CLYBL: variants seen among roughly 807,000 people sequenced by gnomAD.
The protein encoded by CLYBL is citramalyl-CoA lyase, mitochondrial.
Under a neutral mutation model 38.9 loss-of-function variants are expected in CLYBL, and 31 were observed. The ratio of observed to expected loss-of-function variants is 0.80; its 90% CI spans 0.60 to 1.08. CLYBL has a LOEUF of 1.08. CLYBL is among the 50% of genes least tolerant of loss of function. The probability of loss-of-function intolerance (pLI) is 0.00; values close to 1 mark genes in which losing one functional copy is unlikely to be tolerated. For missense variants in CLYBL, 434 were observed against 411.6 expected (o/e 1.05, Z -0.47); for synonymous variants, 171 against 158.6 (o/e 1.08, Z -0.59).
chr13:99,642,288 A>G (rs1186203087), intron 1 of CLYBL, among the ~76,000 whole-genome samples: 1 of 152,190 alleles, frequency 6.6e-6, no homozygotes, highest in East Asian at 1.9e-4. Flanking sequence ...GGCACCGAGC[A>G]TATTCAGTCA....
At position 99,741,649 on chromosome 13, in the gene CLYBL, G is replaced by A. The variant is rs552862266; in HGVS notation, c.63-31175G>A. ...TCACTGCACTCTAGTCCGCGTTCAA[G>A]TATTTGTAGTAGAGACGGGGTTTTG... is the stretch of plus-strand genomic sequence containing the variant. On this transcript the variant is annotated intron_variant, in intron 1 of 8. Transcript: ENST00000339105. Among the ~76,000 whole-genome samples, 406 of 152,344 alleles carry A rather than the reference G, an allele frequency of 2.7e-3. 4 individuals carry two copies. The highest frequency in any genetic ancestry group is 9.3e-3 in the African/African-American group (387 of 41,566).
intron 3 of CLYBL, among the ~76,000 whole-genome samples, chr13:99,860,008 C>A (rs2051560529): frequency 6.6e-6 from 1 of 152,074 alleles, no homozygotes. Context: ...GTTGTTGTAA[C>A]ACCTACGAAA....
intron 1 of CLYBL, among the ~76,000 whole-genome samples, chr13:99,676,086 C>A (rs1321977066): frequency 1.3e-5 from 2 of 152,074 alleles, no homozygotes; most frequent in Non-Finnish European, 2.9e-5. Context: ...GAACTCCTAC[C>A]CTCAGGTGAT....
At chr13:99,854,861 CAG>C (rs2051421139) in intron 2 of CLYBL, among the ~76,000 whole-genome samples, 1 of 152,286 alleles carries the variant, frequency 6.6e-6, no homozygotes, top group South Asian at 2.1e-4. Flanking sequence ...CTGGCCCAGA[CAG>C]AGTCACCTAA....
chr13:99,646,495 A>G (rs1015606470), intron 1 of CLYBL, among the ~76,000 whole-genome samples: 1 of 149,864 alleles, frequency 6.7e-6, no homozygotes, highest in Non-Finnish European at 1.5e-5. Flanking sequence ...ATAGGAGCCA[A>G]TTGGTTACAG....
At chr13:99,722,809 T>C (rs1353405292) in intron 1 of CLYBL, among the ~76,000 whole-genome samples, 1 of 152,248 alleles carries the variant, frequency 6.6e-6, no homozygotes, top group African/African-American at 2.4e-5. Flanking sequence ...GCTTGATATA[T>C]GAAGGTGGAC....
intron 1 of CLYBL, among the ~76,000 whole-genome samples, chr13:99,657,356 A>G (rs1180557438): frequency 6.6e-6 from 1 of 152,244 alleles, no homozygotes; most frequent in Non-Finnish European, 1.5e-5. Flanking sequence ...AGCTGTATAG[A>G]GCAAAACAAA....
chr13:99,823,692 A>C (rs1401678309), intron 2 of CLYBL, among the ~76,000 whole-genome samples: 1 of 152,178 alleles, frequency 6.6e-6, no homozygotes, highest in Non-Finnish European at 1.5e-5. Context: ...GATGTTCCAC[A>C]GTTTGTTTAT....
At chr13:99,654,743 C>T (rs1007700676) in intron 1 of CLYBL, among the ~76,000 whole-genome samples, 5 of 152,176 alleles carry the variant, frequency 3.3e-5, no homozygotes, top group Non-Finnish European at 5.9e-5. Flanking sequence ...CCGTGGCTCA[C>T]GCCTGTAATC....
At position 99,746,247 on chromosome 13, in the gene CLYBL, C is replaced by T. The variant is rs544149731; in HGVS notation, c.63-26577C>T. ...TACATCTGTCAGGTTGACAGTCTTT[C>T]GTGACCTTTAAAAAAAAGTTAAGGA... On this transcript the variant is annotated intron_variant, in intron 1 of 8. Transcript: ENST00000339105. 4.6e-5 allele frequency among the ~76,000 whole-genome samples: 7 copies of T among 151,920 alleles called. No homozygotes were observed. The East Asian group carries it at 9.7e-4, about 21-fold the overall frequency.
chr13:99,620,794 AAG>A (rs386380428), intron 1 of CLYBL, among the ~76,000 whole-genome samples: 4 of 147,876 alleles, frequency 2.7e-5, no homozygotes, highest in Non-Finnish European at 3.0e-5. Flanking sequence ...AAGAAAGAAA[AAG>A]AGAGAGAGAG....
chr13:99,745,173 T>G (rs1026622409), intron 1 of CLYBL, among the ~76,000 whole-genome samples: 2 of 152,256 alleles, frequency 1.3e-5, no homozygotes, highest in African/African-American at 4.8e-5. Context: ...TCTCTCCATC[T>G]CTAACTGACC....
At chr13:99,675,118 G>T (rs576171300) in intron 1 of CLYBL, among the ~76,000 whole-genome samples, 13 of 152,190 alleles carry the variant, frequency 8.5e-5, no homozygotes, top group Non-Finnish European at 1.6e-4. Flanking sequence ...GACAAGAGCA[G>T]ATTTGGTAGA....
chr13:99,885,554 G>A (rs1855328818), intron 7 of CLYBL, among the ~76,000 whole-genome samples: 1 of 152,126 alleles, frequency 6.6e-6, no homozygotes, highest in African/African-American at 2.4e-5. Flanking sequence ...AAAGATAACA[G>A]CACGCTCCCA....
intron 2 of CLYBL, among the ~76,000 whole-genome samples, chr13:99,797,023 G>A (rs1412043019): frequency 6.6e-6 from 1 of 152,106 alleles, no homozygotes; most frequent in East Asian, 1.9e-4. Context: ...TGAATAAATG[G>A]GTTACATGTG....
At chr13:99,806,018 C>T (rs572280496) in intron 2 of CLYBL, among the ~76,000 whole-genome samples, 4 of 152,102 alleles carry the variant, frequency 2.6e-5, no homozygotes, top group Non-Finnish European at 5.9e-5. Context: ...TTTAGATTGT[C>T]TTCAGTTTTT....
At chr13:99,792,826 T>C (rs905039938) in intron 2 of CLYBL, among the ~76,000 whole-genome samples, 6 of 152,108 alleles carry the variant, frequency 3.9e-5, no homozygotes, top group Non-Finnish European at 8.8e-5. Context: ...GGCACTCCAT[T>C]TGTCAGTGTG....
At chr13:99,716,584 A>G (rs1380568913) in intron 1 of CLYBL, among the ~76,000 whole-genome samples, 4 of 151,044 alleles carry the variant, frequency 2.6e-5, no homozygotes, top group South Asian at 2.1e-4. Context: ...GGGTTTCACC[A>G]TGTTGGTCAG....
chr13:99,714,760 C>G (rs2048286945), intron 1 of CLYBL, among the ~76,000 whole-genome samples: 1 of 151,908 alleles, frequency 6.6e-6, no homozygotes, highest in African/African-American at 2.4e-5. Context: ...CCAGCCTGGC[C>G]AAAATGGTGA....
Sources: gnomAD v4.1 joint callset for allele counts (sites outside exome capture counted in the v4.1 genomes callset) on GRCh38, gnomAD v4.1.1 for gene constraint, MANE v1.5 for transcripts, NCBI Gene and HGNC (gene_info 2026-07-23, HGNC 2026-07-21) for gene names.